Variants in MICALL2 observed in about 807,000 individuals in gnomAD.
The protein encoded by MICALL2 is MICAL like 2.
Under a neutral mutation model 91.1 loss-of-function variants are expected in MICALL2, and 111 were observed. That is an observed-to-expected ratio of 1.22 (90% confidence interval 1.04 to 1.43). The LOEUF is 1.43. Among genes scored for constraint, MICALL2 ranks in the 40% most tolerant of loss-of-function variants. The pLI, the probability that MICALL2 is intolerant of heterozygous loss-of-function variation, is 0.00. For missense variants in MICALL2, 1,556 were observed against 1,236.0 expected (o/e 1.26, Z -3.88); for synonymous variants, 694 against 525.3 (o/e 1.32, Z -4.39).
intron 1 of MICALL2, among the ~76,000 whole-genome samples, chr7:1,457,911 G>C (rs558488593): frequency 1.3e-5 from 2 of 152,388 alleles, no homozygotes; most frequent in East Asian, 3.9e-4. Flanking sequence ...CCTTCTCCCA[G>C]TCTCCAGGTC....
At chr7:1,437,205 C>G (rs1384947621) in intron 14 of MICALL2, 14 of 495,236 alleles carry the variant, frequency 2.8e-5, no homozygotes, top group South Asian at 1.8e-4. Context: ...CATCACGAGA[C>G]AAATGCCTAT....
intron 1 of MICALL2, 58 bp downstream of exon 1, chr7:1,459,126 C>T: frequency 1.3e-6 from 2 of 1,534,288 alleles, no homozygotes; most frequent in Non-Finnish European, 1.8e-6. Flanking sequence ...AGTTTCCCCG[C>T]CCGTGTCAGC....
At chr7:1,438,058 G>T in intron 12 of MICALL2, 39 bp downstream of exon 12, 1 of 1,565,228 alleles carries the variant, frequency 6.4e-7, no homozygotes, top group Non-Finnish European at 8.6e-7. Context: ...GGGTGTCTGT[G>T]GGAGTCGGGC....
At chr7:1,447,829 C>CA in intron 3 of MICALL2, 64 bp from the exon 4 acceptor site, 1 of 1,281,312 alleles carries the variant, frequency 7.8e-7, no homozygotes, top group Non-Finnish European at 1.0e-6. Flanking sequence ...CTAGTCCCTC[C>CA]AGAGGTCCCA....
chr7:1,449,685 C>T (rs1780749079), intron 2 of MICALL2, among the ~76,000 whole-genome samples: 1 of 152,276 alleles, frequency 6.6e-6, no homozygotes, highest in Admixed American at 6.5e-5. Flanking sequence ...CCTGGCACAG[C>T]ACAGGACATG....
chr7:1,459,054 C>T (rs1289173192), intron 1 of MICALL2, 130 bp downstream of exon 1: 8 of 914,684 alleles, frequency 8.7e-6, no homozygotes, highest in Non-Finnish European at 9.8e-6. Context: ...GGGGGCTGCA[C>T]GGTGGGCTGT....
Position 1,438,271 on chromosome 7 carries a change from C to G in MICALL2, c.2187+18G>C, listed in dbSNP as rs1387533352. On this transcript the variant is annotated intron_variant, in intron 11 of 16. Transcript: ENST00000297508. ...GCCGGAGGGCTGGGCCCCTGCCCGG[C>G]TCCCCACCACTACTCACCCTGACTG... The G allele has an allele frequency of 1.3e-6, 2 of 1,589,882 alleles. No homozygotes were observed. Among genetic ancestry groups the G allele is most frequent in the South Asian group, 1.1e-5 (1 of 87,842 alleles).
intron 2 of MICALL2, among the ~76,000 whole-genome samples, chr7:1,449,444 G>A (rs533467364): frequency 5.3e-5 from 8 of 152,318 alleles, no homozygotes; most frequent in African/African-American, 1.9e-4. Context: ...TGAATAGCTG[G>A]GATTACAGGT....
chr7:1,442,032 C>T, intron 7 of MICALL2, 160 bp downstream of exon 7: 2 of 839,004 alleles, frequency 2.4e-6, no homozygotes, highest in South Asian at 1.6e-5. Context: ...GCACCAGGAC[C>T]CCAGGAGGCT....
At chr7:1,455,492 G>A (rs745942915) in intron 1 of MICALL2, among the ~76,000 whole-genome samples, 8 of 152,230 alleles carry the variant, frequency 5.3e-5, no homozygotes, top group Non-Finnish European at 1.2e-4. Context: ...CCTCCTGGTG[G>A]GCGTGGCTGG....
intron 1 of MICALL2, 49 bp downstream of exon 1, chr7:1,459,135 G>C (rs1310421820): frequency 6.4e-7 from 1 of 1,561,604 alleles, no homozygotes; most frequent in Non-Finnish European, 8.7e-7. Flanking sequence ...GCCCGTGTCA[G>C]CGCGCAGCCG....
In MICALL2 at chr7:1,442,180, C is replaced by A. The variant is rs1780317187; in HGVS notation, c.1711+12G>T. On this transcript the variant is annotated intron_variant, in intron 7 of 16. Coordinates refer to ENST00000297508, the MANE Select transcript of MICALL2 (RefSeq NM_182924.4). ...GCCCCCGGGGCCTCCTGCCTCCCAGCCCCTTACTCACCCTGCGTTAAGGTG... is the reference window on the plus strand; with the variant it reads ...GCCCCCGGGGCCTCCTGCCTCCCAGACCCTTACTCACCCTGCGTTAAGGTG... The A allele has an allele frequency of 1.9e-6, 3 of 1,611,230 alleles. No homozygotes were observed. The highest frequency in any genetic ancestry group is 3.3e-5 in the Admixed American group (2 of 59,932).
At chr7:1,438,648 G>T in intron 10 of MICALL2, 192 bp downstream of exon 10, 1 of 1,423,142 alleles carries the variant, frequency 7.0e-7, no homozygotes, top group South Asian at 1.5e-5. Flanking sequence ...TCTGTAACAA[G>T]GTACTCTGAA....
At chr7:1,448,572 A>G in intron 3 of MICALL2, 48 bp downstream of exon 3, 1 of 1,606,538 alleles carries the variant, frequency 6.2e-7, no homozygotes, top group South Asian at 1.1e-5. Flanking sequence ...CAGGCCAAGG[A>G]TGGGGGGCCT....
At chr7:1,434,706 A>C (rs9986863) in intron 16 of MICALL2, 34 bp from the exon 17 acceptor site, 1 of 1,522,020 alleles carries the variant, frequency 6.6e-7, no homozygotes, top group Non-Finnish European at 8.8e-7. Flanking sequence ...GCCGTGCTCA[A>C]CGCCGCAGCC....
intron 8 of MICALL2, 64 bp downstream of exon 8, chr7:1,440,527 C>T: frequency 2.1e-6 from 3 of 1,398,564 alleles, no homozygotes; most frequent in South Asian, 1.2e-5. Context: ...CGATTACATA[C>T]TCACTGCATT....
intron 10 of MICALL2, 193 bp from the exon 11 acceptor site, chr7:1,438,546 A>AC: frequency 7.0e-7 from 1 of 1,427,672 alleles, no homozygotes. Context: ...GCCCAGCCCC[A>AC]CCCTGCACCC....
intron 15 of MICALL2, among the ~76,000 whole-genome samples, chr7:1,435,776 C>T (rs1048481590): frequency 1.8e-4 from 28 of 152,232 alleles, no homozygotes; most frequent in Admixed American, 1.4e-3. Flanking sequence ...AGACTTTGGC[C>T]GGGCACGGTG....
Position 1,434,679 on chromosome 7 carries a change from G to A in MICALL2, c.2639-7C>T. On this transcript the variant is annotated splice_region_variant and splice_polypyrimidine_tract_variant and intron_variant, in intron 16 of 16. Transcript: ENST00000297508. ...GACTTCTTCCTCTGGAGGCCTAGGG[G>A]ACAGGTGGACAGTGAGGCCGTGCTC... 4 of 1,545,404 alleles carry A rather than the reference G, an allele frequency of 2.6e-6. No individual in the cohort carries two copies. The highest frequency in any genetic ancestry group is 3.5e-6 in the Non-Finnish European group (4 of 1,150,068).
Sources: gnomAD v4.1 joint callset for allele counts (sites outside exome capture counted in the v4.1 genomes callset) on GRCh38, gnomAD v4.1.1 for gene constraint, MANE v1.5 for transcripts, NCBI Gene and HGNC (gene_info 2026-07-23, HGNC 2026-07-21) for gene names.